ARHGAP6: variants seen among roughly 807,000 people sequenced by gnomAD.
ARHGAP6 encodes the protein Rho GTPase activating protein 6.
Under a neutral mutation model 55.7 loss-of-function variants are expected in ARHGAP6, and 16 were observed. The ratio of observed to expected loss-of-function variants is 0.29; its 90% confidence interval spans 0.19 to 0.44. The LOEUF (loss-of-function observed/expected upper bound fraction) is 0.44, where lower values mean the gene tolerates loss of function less well. ARHGAP6 is among the 20% of genes least tolerant of loss of function. The probability of loss-of-function intolerance (pLI) is 1.00; values close to 1 mark genes in which losing one functional copy is unlikely to be tolerated. For synonymous variants in ARHGAP6, 382 were observed against 360.9 expected, an observed-to-expected ratio of 1.06 and a Z score of -0.66; for missense variants, 698 against 808.9, an observed-to-expected ratio of 0.86 and a Z score of 1.66.
intron 1 of ARHGAP6, among the ~76,000 whole-genome samples, chrX:11,605,946 G>C (rs949925139): frequency 9.0e-6 from 1 of 110,563 alleles, no homozygotes; most frequent in African/African-American, 3.3e-5. Context: ...GAAAAGAATA[G>C]ATCCAGAAAG....
intron 1 of ARHGAP6, among the ~76,000 whole-genome samples, chrX:11,289,767 A>G (rs781242708): frequency 1.6e-4 from 18 of 111,631 alleles, no homozygotes; most frequent in African/African-American, 4.9e-4. Context: ...CAGGCAGATC[A>G]TGAGGTCAGG....
At chrX:11,206,391 C>T (rs2046705014) in intron 2 of ARHGAP6, among the ~76,000 whole-genome samples, 1 of 111,239 alleles carries the variant, frequency 9.0e-6, no homozygotes, top group African/African-American at 3.3e-5. Context: ...AATAAGAGTG[C>T]CCTTGACCTC....
intron 1 of ARHGAP6, among the ~76,000 whole-genome samples, chrX:11,290,845 T>C (rs1261272755): frequency 8.9e-6 from 1 of 112,091 alleles, no homozygotes; most frequent in Non-Finnish European, 1.9e-5. Context: ...CGAAATTCAT[T>C]TGCTTTTCTC....
intron 8 of ARHGAP6, among the ~76,000 whole-genome samples, chrX:11,171,572 C>T (rs181599838): frequency 5.4e-5 from 6 of 112,027 alleles, no homozygotes; most frequent in South Asian, 3.7e-4. Context: ...TTTGTGAGCT[C>T]GGGTGAGCAC....
chrX:11,318,816 G>A (rs5935005), intron 1 of ARHGAP6: 24,739 of 111,967 alleles, frequency 0.22, 2,085 homozygotes, highest in Middle Eastern at 0.38. Context: ...TGTTGATCCA[G>A]TCCCCAAAGC....
rs1376661983 is a variant in ARHGAP6, at chrX:11,201,987, A to G, written c.749-4991T>C. Among the ~76,000 whole-genome samples, 4 of 28,811 alleles carry G rather than the reference A, an allele frequency of 1.4e-4. No individual in the cohort carries two copies. The East Asian group carries it at 6.3e-3, about 45-fold the overall frequency. The allele number at this position is 28,811 out of a possible 115,157, so 25.0% of individuals were successfully genotyped here. ...CACTGTGTGCAAACTGAGCATCTGG[A>G]TCTGTGTGTGTGTGTGTGTGTGTGT... is the stretch of plus-strand genomic sequence containing the variant. On this transcript the variant is annotated intron_variant, in intron 2 of 12. Transcript: ENST00000337414.
intron 1 of ARHGAP6, among the ~76,000 whole-genome samples, chrX:11,267,636 T>C (rs1273019385): frequency 8.9e-6 from 1 of 112,352 alleles, no homozygotes; most frequent in Non-Finnish European, 1.9e-5. Flanking sequence ...AATTATTTGA[T>C]GGAGACATAC....
At chrX:11,318,227 G>A (rs751368495) in intron 1 of ARHGAP6, among the ~76,000 whole-genome samples, 6 of 111,871 alleles carry the variant, frequency 5.4e-5, no homozygotes, top group East Asian at 2.8e-4. Flanking sequence ...TGGCATAATT[G>A]CTGGACTTTA....
intron 1 of ARHGAP6, among the ~76,000 whole-genome samples, chrX:11,474,770 G>C (rs2050386935): frequency 9.0e-6 from 1 of 111,133 alleles, no homozygotes; most frequent in Non-Finnish European, 1.9e-5. Flanking sequence ...AGTCATAGGG[G>C]CAGATCCCTC....
intron 1 of ARHGAP6, among the ~76,000 whole-genome samples, chrX:11,544,260 C>G (rs921123380): frequency 8.9e-6 from 1 of 112,358 alleles, no homozygotes; most frequent in African/African-American, 3.2e-5. Context: ...ACTACAGGAT[C>G]TACATTAACA....
chrX:11,532,402 T>G (rs7051324), intron 1 of ARHGAP6, among the ~76,000 whole-genome samples: 12,394 of 112,060 alleles, frequency 0.11, 881 homozygotes, highest in African/African-American at 0.25. Context: ...GGTACACTGC[T>G]ATGTGTTCAC....
chrX:11,289,116 G>A (rs986395432), intron 1 of ARHGAP6, among the ~76,000 whole-genome samples: 3 of 111,689 alleles, frequency 2.7e-5, no homozygotes, highest in East Asian at 2.8e-4. Context: ...AAATGCCTAC[G>A]GACTTTTCAA....
chrX:11,526,474 T>C (rs2050990404), intron 1 of ARHGAP6, among the ~76,000 whole-genome samples: 1 of 111,832 alleles, frequency 8.9e-6, no homozygotes, highest in Admixed American at 9.5e-5. Flanking sequence ...TGGCTGAGAA[T>C]TAAATCACTG....
intron 1 of ARHGAP6, among the ~76,000 whole-genome samples, chrX:11,504,492 C>T (rs953084298): frequency 1.8e-5 from 2 of 111,790 alleles, no homozygotes; most frequent in African/African-American, 6.5e-5. Context: ...AAATTACCCC[C>T]GTTAAGAATC....
At chrX:11,441,416 CG>C (rs1208076477) in intron 1 of ARHGAP6, among the ~76,000 whole-genome samples, 2 of 111,765 alleles carry the variant, frequency 1.8e-5, no homozygotes, top group Non-Finnish European at 1.9e-5. Flanking sequence ...AGGGACATCA[CG>C]GGGCAGAATA....
chrX:11,488,424 T>G (rs965999595), intron 1 of ARHGAP6, among the ~76,000 whole-genome samples: 2 of 112,080 alleles, frequency 1.8e-5, no homozygotes, highest in Non-Finnish European at 3.8e-5. Flanking sequence ...TTTAAATTTA[T>G]TTAAAGTATC....
At chrX:11,179,780 A>C (rs1423295348) in intron 6 of ARHGAP6, among the ~76,000 whole-genome samples, 1 of 105,445 alleles carries the variant, frequency 9.5e-6, no homozygotes, top group Non-Finnish European at 1.9e-5. Context: ...ATATATATAT[A>C]TATAAGCATT....
intron 1 of ARHGAP6, among the ~76,000 whole-genome samples, chrX:11,621,478 A>AT (rs1276828000): frequency 1.7e-4 from 19 of 111,801 alleles, no homozygotes; most frequent in African/African-American, 6.2e-4. Flanking sequence ...AGATTTGAAA[A>AT]AAAATGGTGT....
intron 1 of ARHGAP6, among the ~76,000 whole-genome samples, chrX:11,326,828 A>T (rs1047231147): frequency 1.8e-5 from 2 of 112,294 alleles, no homozygotes; most frequent in Non-Finnish European, 3.8e-5. Context: ...ACACTTGTTA[A>T]ACTTTGAGTA....
Sources: gnomAD v4.1 joint callset for allele counts (sites outside exome capture counted in the v4.1 genomes callset) on GRCh38, gnomAD v4.1.1 for gene constraint, MANE v1.5 for transcripts, NCBI Gene and HGNC (gene_info 2026-07-23, HGNC 2026-07-21) for gene names.